The following GCFC2 variants were observed in gnomAD, a reference collection of about 807,000 sequenced individuals.
GCFC2 encodes the protein intron Large complex component GCFC2.
In GCFC2, 102 loss-of-function variants were observed where a neutral mutation model predicts 99.4. That is an observed-to-expected ratio of 1.03 (90% confidence interval 0.87 to 1.21). The LOEUF (loss-of-function observed/expected upper bound fraction) is 1.21. Among genes scored for constraint, GCFC2 ranks in the 50% most tolerant of loss-of-function variants. The pLI, the probability that GCFC2 is intolerant of heterozygous loss-of-function variation, is 0.00. For synonymous variants in GCFC2, 338 were observed against 316.8 expected (o/e 1.07, Z -0.71); for missense variants, 973 against 920.9 (o/e 1.06, Z -0.73).
chr2:75,684,512 C>T (rs975136092), intron 11 of GCFC2, among the ~76,000 whole-genome samples: 7 of 152,098 alleles, frequency 4.6e-5, no homozygotes, highest in Non-Finnish European at 8.8e-5. Context: ...ACTAAATGCC[C>T]ACAACAGAAA....
chr2:75,700,150 G>A (rs1237670433), intron 4 of GCFC2, among the ~76,000 whole-genome samples: 2 of 152,064 alleles, frequency 1.3e-5, no homozygotes, highest in African/African-American at 4.8e-5. Context: ...ACCTGACTCA[G>A]CCTCCCGAGC....
At chr2:75,699,363 G>A (rs149303738) in intron 4 of GCFC2, among the ~76,000 whole-genome samples, 57 of 152,280 alleles carry the variant, frequency 3.7e-4, no homozygotes, top group African/African-American at 1.3e-3. Flanking sequence ...TGGCTTACAA[G>A]TATCATGATA....
intron 4 of GCFC2, chr2:75,697,581 G>A (rs1680385671): frequency 6.6e-6 from 1 of 152,226 alleles, no homozygotes; most frequent in Non-Finnish European, 1.5e-5. Context: ...GTTTTGTTTA[G>A]TTGTCTCCCT....
intron 15 of GCFC2, among the ~76,000 whole-genome samples, chr2:75,668,625 G>A (rs1304311889): frequency 6.6e-6 from 1 of 152,068 alleles, no homozygotes; most frequent in Non-Finnish European, 1.5e-5. Flanking sequence ...AAGTATCTGA[G>A]ACAGGTTCTG....
upstream of GCFC2, among the ~76,000 whole-genome samples, chr2:75,713,058 G>A (rs940888960): frequency 4.6e-5 from 7 of 152,008 alleles, no homozygotes; most frequent in African/African-American, 9.7e-5. Context: ...ACCTAGCCCC[G>A]GAATTTTTTT....
chr2:75,690,045 A>G lies in GCFC2; in HGVS notation c.1263T>C (p.Asn421=). 6.2e-7 allele frequency: 1 copy of G among 1,608,370 alleles called. No homozygotes were observed. Among genetic ancestry groups the G allele is most frequent in the East Asian group, 2.2e-5 (1 of 44,642 alleles). ...TAGATGTTCCTTCCTGATGGTTACA[A>G]TTCCCAGAAAGCACCCTTGCTTGTC... The part of the protein sequence containing the change: ...KRRQARVLSG[N]CNHQEGTSSD... Residue 421 remains asparagine, a synonymous_variant, in exon 9 of 17, where the codon AAT becomes AAC. Transcript: ENST00000321027.
intron 12 of GCFC2, among the ~76,000 whole-genome samples, chr2:75,677,603 G>A (rs1679401924): frequency 6.6e-6 from 1 of 152,218 alleles, no homozygotes; most frequent in African/African-American, 2.4e-5. Flanking sequence ...GTAGTGCTGA[G>A]ACTGAAAACC....
intron 2 of GCFC2, among the ~76,000 whole-genome samples, chr2:75,706,028 A>G (rs1053391276): frequency 6.6e-6 from 1 of 152,218 alleles, no homozygotes; most frequent in Non-Finnish European, 1.5e-5. Context: ...AGACACAAAA[A>G]CATTCATGTC....
chr2:75,706,171 T>A (rs1240198436), intron 2 of GCFC2, among the ~76,000 whole-genome samples: 1 of 152,206 alleles, frequency 6.6e-6, no homozygotes, highest in Non-Finnish European at 1.5e-5. Flanking sequence ...CTGCACATAT[T>A]ACATACCTTC....
rs1558746193 is a variant in GCFC2, at chr2:75,694,391, C to CA, written c.869dup (p.Arg291GlufsTer4). The CA allele has an allele frequency of 2.0e-6, 3 of 1,481,028 alleles. No homozygotes were observed. The Admixed American group carries it at 6.0e-5, about 29-fold the overall frequency. 91.7% of individuals were successfully genotyped at this position (1,481,028 alleles called of 1,614,324 possible). The stretch of plus-strand genomic sequence containing the variant: ...CTTGTACGTATTTTTCATACTCCCT[C>CA]AGGTGTGAGCGGTGAGTTTCCTGTA... On this transcript the variant is annotated frameshift_variant, in exon 6 of 17. Transcript: ENST00000321027. LOFTEE classifies it high-confidence loss of function.
chr2:75,677,456 T>C (rs970848925), intron 12 of GCFC2, among the ~76,000 whole-genome samples: 4 of 152,176 alleles, frequency 2.6e-5, no homozygotes, highest in African/African-American at 9.7e-5. Flanking sequence ...TACCTGACAA[T>C]GTGTAGACAT....
chr2:75,697,265 C>A (rs1028426426), intron 4 of GCFC2, among the ~76,000 whole-genome samples: 3 of 152,198 alleles, frequency 2.0e-5, no homozygotes, highest in Non-Finnish European at 2.9e-5. Context: ...AGAAAACTGA[C>A]CAGATATTTA....
intron 7 of GCFC2, 117 bp downstream of exon 7, chr2:75,691,860 T>A: frequency 4.3e-6 from 2 of 467,572 alleles, no homozygotes; most frequent in East Asian, 5.0e-5. Context: ...AGTTGGTGGG[T>A]AAAGGGTTTG....
intron 12 of GCFC2, among the ~76,000 whole-genome samples, chr2:75,678,707 GACA>G (rs1233600810): frequency 3.9e-5 from 6 of 152,184 alleles, no homozygotes; most frequent in Non-Finnish European, 7.3e-5. Context: ...GTAGCACTGT[GACA>G]ACTAGTTTTA....
intron 14 of GCFC2, 45 bp downstream of exon 14, chr2:75,671,905 G>A (rs770800568): frequency 1.1e-6 from 1 of 915,990 alleles, no homozygotes; most frequent in Admixed American, 1.7e-5. Flanking sequence ...TAGTAAACAG[G>A]ATTTTTACAA....
At chr2:75,692,146 A>AATATATATAT (rs35357470) in intron 6 of GCFC2, 46 bp from the exon 7 acceptor site, 2 of 395,482 alleles carry the variant, frequency 5.1e-6, no homozygotes, top group Non-Finnish European at 4.2e-6. Flanking sequence ...TCGATAATGA[A>AATATATATAT]ATATATATAT....
chr2:75,678,928 G>A (rs1475432403), intron 12 of GCFC2, among the ~76,000 whole-genome samples: 1 of 152,068 alleles, frequency 6.6e-6, no homozygotes, highest in Non-Finnish European at 1.5e-5. Flanking sequence ...CTCTTGGCCT[G>A]AAGAGATCCT....
At position 75,663,771 on chromosome 2, in the gene GCFC2, G is replaced by C. The variant is rs1038175325; in HGVS notation, c.*895C>G. ...GCTACTTGGGAGGTTGAAGTGGGAG[G>C]ATTGCTTGAGCCCAGAAGGCAGAGG... On this transcript the variant is annotated 3_prime_UTR_variant, in exon 17 of 17. Transcript: ENST00000321027. 6 of 152,242 alleles carry C rather than the reference G, an allele frequency of 3.9e-5. No homozygotes were observed. The highest frequency in any genetic ancestry group is 3.1e-3 in the Middle Eastern group (1 of 322). 9.4% of individuals were successfully genotyped at this position (152,242 alleles called of 1,614,324 possible). A position where few individuals can be genotyped will look rare whatever the true frequency, so the allele number is the denominator to read the frequency against.
chr2:75,690,562 G>A (rs940074279), intron 8 of GCFC2, 76 bp downstream of exon 8: 6 of 770,784 alleles, frequency 7.8e-6, no homozygotes, highest in Non-Finnish European at 1.4e-5. Flanking sequence ...ATGACATCAT[G>A]TGGTTAATTA....
Sources: allele counts gnomAD v4.1 joint callset (sites outside exome capture counted in the v4.1 genomes callset), GRCh38; gene constraint gnomAD v4.1.1; transcripts MANE v1.5; gene names NCBI Gene and HGNC (gene_info 2026-07-23, HGNC 2026-07-21).